Variants in LRRTM4 observed in about 807,000 individuals in gnomAD.
The protein encoded by LRRTM4 is leucine rich repeat transmembrane neuronal 4.
In LRRTM4, 25 loss-of-function variants were observed where a neutral mutation model predicts 47.6. The ratio of observed to expected loss-of-function variants is 0.53; its 90% CI spans 0.38 to 0.73. The LOEUF is 0.73. LRRTM4 is among the 30% of genes least tolerant of loss of function. The pLI is 0.00. For missense variants in LRRTM4, 638 were observed against 713.4 expected, an observed-to-expected ratio of 0.89 and a Z score of 1.20; for synonymous variants, 311 against 269.5, an observed-to-expected ratio of 1.15 and a Z score of -1.51.
chr2:76,786,994 A>G (rs1674707476), intron 3 of LRRTM4, among the ~76,000 whole-genome samples: 1 of 151,986 alleles, frequency 6.6e-6, no homozygotes, highest in South Asian at 2.1e-4. Context: ...ATTTCCAGCA[A>G]TGGTCAGGTG....
At chr2:76,982,759 C>T (rs1452845175) in intron 3 of LRRTM4, among the ~76,000 whole-genome samples, 1 of 151,774 alleles carries the variant, frequency 6.6e-6, no homozygotes, top group Non-Finnish European at 1.5e-5. Context: ...TTAATAAAAG[C>T]CGATGTTAAA....
At chr2:77,147,235 C>T (rs973700480) in intron 3 of LRRTM4, among the ~76,000 whole-genome samples, 3 of 152,164 alleles carry the variant, frequency 2.0e-5, no homozygotes, top group Non-Finnish European at 2.9e-5. Flanking sequence ...AAGTGCTCTT[C>T]GCTTAAGGAA....
intron 3 of LRRTM4, among the ~76,000 whole-genome samples, chr2:77,458,838 T>A (rs578101333): frequency 6.6e-6 from 1 of 151,750 alleles, no homozygotes; most frequent in East Asian, 1.9e-4. Context: ...TCAGTGGAAA[T>A]TCAAAAATGA....
chr2:76,892,837 A>G (rs1014936383), intron 3 of LRRTM4, among the ~76,000 whole-genome samples: 2 of 151,734 alleles, frequency 1.3e-5, no homozygotes, highest in African/African-American at 4.8e-5. Flanking sequence ...TTCAAGGACT[A>G]GTGCTCCTCA....
At chr2:77,495,113 T>C (rs1018904031) in intron 3 of LRRTM4, among the ~76,000 whole-genome samples, 1 of 152,136 alleles carries the variant, frequency 6.6e-6, no homozygotes, top group Non-Finnish European at 1.5e-5. Context: ...TGTTCTTTCA[T>C]GCACAAGTCT....
chr2:76,802,024 G>A (rs777854265), intron 3 of LRRTM4, among the ~76,000 whole-genome samples: 120 of 152,012 alleles, frequency 7.9e-4, no homozygotes, highest in African/African-American at 2.5e-3. Flanking sequence ...CATATTCAAC[G>A]GTGAAAAGTG....
At chr2:77,473,026 A>G (rs1312176787) in intron 3 of LRRTM4, among the ~76,000 whole-genome samples, 2 of 152,148 alleles carry the variant, frequency 1.3e-5, no homozygotes, top group Non-Finnish European at 2.9e-5. Flanking sequence ...TACAAAAATT[A>G]AACCTGGAAG....
chr2:76,998,505 C>T (rs56018259), intron 3 of LRRTM4, among the ~76,000 whole-genome samples: 9,312 of 152,004 alleles, frequency 0.061, 865 homozygotes, highest in African/African-American at 0.2. Context: ...CCCCAACACA[C>T]ACAGAACAAC....
At chr2:77,483,584 A>G (rs1677800051) in intron 3 of LRRTM4, among the ~76,000 whole-genome samples, 1 of 152,042 alleles carries the variant, frequency 6.6e-6, no homozygotes, top group Admixed American at 6.6e-5. Flanking sequence ...CAGGTGATCT[A>G]CCCGTCTCGG....
At chr2:77,280,221 A>T (rs1676471509) in intron 3 of LRRTM4, among the ~76,000 whole-genome samples, 2 of 151,950 alleles carry the variant, frequency 1.3e-5, no homozygotes, top group African/African-American at 4.8e-5. Flanking sequence ...TGACCCAAGG[A>T]ATGTGGGCAG....
chr2:76,756,069 G>A (rs1343741375), intron 3 of LRRTM4, among the ~76,000 whole-genome samples: 5 of 152,152 alleles, frequency 3.3e-5, no homozygotes, highest in Non-Finnish European at 7.4e-5. Flanking sequence ...GGCCATGCCA[G>A]GCAAGGATTA....
intron 3 of LRRTM4, among the ~76,000 whole-genome samples, chr2:77,339,052 G>T (rs930727536): frequency 1.3e-5 from 2 of 151,722 alleles, no homozygotes; most frequent in Non-Finnish European, 2.9e-5. Context: ...AAAACTGTAG[G>T]TACAAAAACA....
At chr2:77,419,774 C>T (rs995449367) in intron 3 of LRRTM4, among the ~76,000 whole-genome samples, 6 of 150,764 alleles carry the variant, frequency 4.0e-5, no homozygotes, top group African/African-American at 1.5e-4. Flanking sequence ...CAAATAAAAG[C>T]ATATAATATT....
At chr2:77,466,563 ACT>A (rs982254965) in intron 3 of LRRTM4, among the ~76,000 whole-genome samples, 9 of 152,104 alleles carry the variant, frequency 5.9e-5, no homozygotes, top group African/African-American at 1.9e-4. Flanking sequence ...TTTCTTATAC[ACT>A]GTTTTTCTTT....
chr2:77,046,721 G>C (rs1379484510), intron 3 of LRRTM4, among the ~76,000 whole-genome samples: 1 of 151,938 alleles, frequency 6.6e-6, no homozygotes, highest in African/African-American at 2.4e-5. Context: ...GAAAAAGGCA[G>C]AAGGAGGTCT....
intron 3 of LRRTM4, among the ~76,000 whole-genome samples, chr2:77,306,307 G>GAAC (rs372286734): frequency 3.3e-4 from 50 of 152,194 alleles, no homozygotes; most frequent in African/African-American, 1.1e-3. Flanking sequence ...AAATGTCATT[G>GAAC]AACAACACAA....
chr2:77,441,775 T>A (rs1675852232), intron 3 of LRRTM4, among the ~76,000 whole-genome samples: 1 of 152,218 alleles, frequency 6.6e-6, no homozygotes, highest in African/African-American at 2.4e-5. Flanking sequence ...ATAGTTTTCC[T>A]TGCTTGAATA....
chr2:76,805,093 C>T (rs182985243), intron 3 of LRRTM4, among the ~76,000 whole-genome samples: 1 of 152,204 alleles, frequency 6.6e-6, no homozygotes, highest in African/African-American at 2.4e-5. Context: ...GCTACTTAAA[C>T]TTTTAATGAA....
intron 3 of LRRTM4, among the ~76,000 whole-genome samples, chr2:77,158,669 T>G (rs1394182574): frequency 6.6e-6 from 1 of 152,164 alleles, no homozygotes; most frequent in Non-Finnish European, 1.5e-5. Context: ...TATATTTTGT[T>G]GTTTTACATA....
Sources: gnomAD v4.1 joint callset for allele counts (sites outside exome capture counted in the v4.1 genomes callset) on GRCh38, gnomAD v4.1.1 for gene constraint, MANE v1.5 for transcripts, NCBI Gene and HGNC (gene_info 2026-07-23, HGNC 2026-07-21) for gene names.